The following MAGI1 variants were observed in gnomAD, a reference collection of about 807,000 sequenced individuals.
MAGI1 encodes the protein membrane associated guanylate kinase, WW and PDZ domain containing 1.
A neutral mutation model predicts 139.9 loss-of-function variants in MAGI1; 58 were observed. That is an observed-to-expected ratio of 0.41 (90% CI 0.34 to 0.52). MAGI1 has a LOEUF of 0.52. MAGI1 is among the 20% of genes least tolerant of loss of function. The pLI is 0.12. For missense variants in MAGI1, 1,874 were observed against 1,901.6 expected, an observed-to-expected ratio of 0.99 and a Z score of 0.27; for synonymous variants, 812 against 737.9, an observed-to-expected ratio of 1.10 and a Z score of -1.63.
At chr3:65,996,862 T>A (rs2066477519) in intron 1 of MAGI1, among the ~76,000 whole-genome samples, 1 of 152,224 alleles carries the variant, frequency 6.6e-6, no homozygotes, top group African/African-American at 2.4e-5. Context: ...GATAAAAGAT[T>A]AAGTCATCAA....
chr3:65,956,823 C>T (rs1266711053), intron 1 of MAGI1, among the ~76,000 whole-genome samples: 1 of 151,796 alleles, frequency 6.6e-6, no homozygotes, highest in African/African-American at 2.4e-5. Flanking sequence ...CATGATGAGA[C>T]CCCATCTCTA....
At chr3:65,451,361 A>G (rs1246523564) in intron 6 of MAGI1, among the ~76,000 whole-genome samples, 1 of 152,244 alleles carries the variant, frequency 6.6e-6, no homozygotes, top group East Asian at 1.9e-4. Flanking sequence ...ATAAGGCATC[A>G]AATAATGATT....
At chr3:65,576,785 A>G (rs999681719) in intron 2 of MAGI1, among the ~76,000 whole-genome samples, 2 of 152,106 alleles carry the variant, frequency 1.3e-5, no homozygotes, top group Non-Finnish European at 2.9e-5. Context: ...GCTACACAAT[A>G]CCACATTTAG....
intron 1 of MAGI1, among the ~76,000 whole-genome samples, chr3:65,880,011 A>T (rs1331478955): frequency 6.6e-6 from 1 of 152,236 alleles, no homozygotes; most frequent in East Asian, 1.9e-4. Context: ...CTGTAATCCC[A>T]GCACTTTGGG....
At chr3:65,702,397 C>T (rs530025364) in intron 1 of MAGI1, among the ~76,000 whole-genome samples, 7 of 152,200 alleles carry the variant, frequency 4.6e-5, no homozygotes, top group Admixed American at 1.3e-4. Context: ...TATCATGGGA[C>T]CATGTGCAGG....
At chr3:65,802,552 AC>A (rs2040580559) in intron 1 of MAGI1, among the ~76,000 whole-genome samples, 1 of 152,176 alleles carries the variant, frequency 6.6e-6, no homozygotes, top group African/African-American at 2.4e-5. Flanking sequence ...TCCACATTGC[AC>A]CCTGGGGTTC....
intron 1 of MAGI1, among the ~76,000 whole-genome samples, chr3:65,722,176 T>C (rs1016002759): frequency 1.3e-5 from 2 of 152,190 alleles, no homozygotes; most frequent in African/African-American, 4.8e-5. Context: ...GGAATATTTC[T>C]ACTTTGAATA....
At chr3:65,594,796 G>A (rs1209130566) in intron 2 of MAGI1, among the ~76,000 whole-genome samples, 2 of 152,122 alleles carry the variant, frequency 1.3e-5, no homozygotes, top group African/African-American at 4.8e-5. Flanking sequence ...TCTGATGGGG[G>A]GGTGTCTTTT....
At chr3:65,616,628 C>T (rs999143714) in intron 2 of MAGI1, among the ~76,000 whole-genome samples, 4 of 152,146 alleles carry the variant, frequency 2.6e-5, no homozygotes, top group Non-Finnish European at 5.9e-5. Context: ...TTTTAGACAG[C>T]CCTTAGTTTA....
intron 1 of MAGI1, chr3:65,688,077 C>T (rs142205172): frequency 5.8e-4 from 440 of 761,374 alleles, no homozygotes; most frequent in African/African-American, 5.0e-3. Flanking sequence ...CCCCAACAGA[C>T]AGCCTTTGGC....
chr3:65,600,517 G>A (rs2082429126), intron 2 of MAGI1, among the ~76,000 whole-genome samples: 1 of 152,194 alleles, frequency 6.6e-6, no homozygotes, highest in Non-Finnish European at 1.5e-5. Context: ...GGCTCTCCCA[G>A]CTTGTGTGGT....
At chr3:65,987,777 C>G (rs1358895564) in intron 1 of MAGI1, among the ~76,000 whole-genome samples, 2 of 152,062 alleles carry the variant, frequency 1.3e-5, no homozygotes, top group African/African-American at 4.8e-5. Flanking sequence ...CCACATTGCC[C>G]AGGCTAGTCT....
chr3:65,845,335 G>C (rs1460102236), intron 1 of MAGI1, among the ~76,000 whole-genome samples: 4 of 152,104 alleles, frequency 2.6e-5, no homozygotes, highest in African/African-American at 4.8e-5. Context: ...TGGTTAACAT[G>C]ATGGGCCCCT....
intron 1 of MAGI1, among the ~76,000 whole-genome samples, chr3:66,036,309 T>G (rs1470259955): frequency 6.6e-6 from 1 of 152,156 alleles, no homozygotes; most frequent in East Asian, 1.9e-4. Flanking sequence ...AAAGCCAGTG[T>G]GAGGAAGACG....
intron 3 of MAGI1, among the ~76,000 whole-genome samples, chr3:65,482,577 G>A (rs1401817836): frequency 6.6e-6 from 1 of 152,148 alleles, no homozygotes; most frequent in Non-Finnish European, 1.5e-5. Flanking sequence ...ATTAACTAAT[G>A]CAGAGTTTTC....
At chr3:66,028,209 G>A (rs1016983452) in intron 1 of MAGI1, among the ~76,000 whole-genome samples, 2 of 152,190 alleles carry the variant, frequency 1.3e-5, no homozygotes, top group African/African-American at 2.4e-5. Context: ...GGCTGAGGTA[G>A]GAGGATCGCT....
intron 6 of MAGI1, among the ~76,000 whole-genome samples, chr3:65,449,585 G>C (rs943585908): frequency 6.6e-6 from 1 of 152,008 alleles, no homozygotes; most frequent in Non-Finnish European, 1.5e-5. Flanking sequence ...GACCAGCCTG[G>C]CCAACATGGT....
chr3:65,880,732 T>C lies in MAGI1; in HGVS notation c.313+157264A>G, dbSNP rs192093351. Among the ~76,000 whole-genome samples, 782 of 152,016 alleles carry C rather than the reference T, an allele frequency of 5.1e-3. 3 individuals are homozygous for C. The highest frequency in any genetic ancestry group is 8.6e-3 in the Non-Finnish European group (587 of 67,970). On this transcript the variant is annotated intron_variant, in intron 1 of 22. Transcript: ENST00000402939. Reference sequence around the variant, plus strand: ...AGCAGCAAAGGCAGGGAAGAAACACTTTTAAGTTTTATTCACTTAGTTCCA... The same window carrying C: ...AGCAGCAAAGGCAGGGAAGAAACACCTTTAAGTTTTATTCACTTAGTTCCA...
chr3:65,951,094 G>C (rs1234507278), intron 1 of MAGI1, among the ~76,000 whole-genome samples: 1 of 151,954 alleles, frequency 6.6e-6, no homozygotes, highest in Non-Finnish European at 1.5e-5. Flanking sequence ...GAGAGGGAAA[G>C]AGAGAGAATC....
Sources: gnomAD v4.1 joint callset for allele counts (sites outside exome capture counted in the v4.1 genomes callset) on GRCh38, gnomAD v4.1.1 for gene constraint, MANE v1.5 for transcripts, NCBI Gene and HGNC (gene_info 2026-07-23, HGNC 2026-07-21) for gene names.